The following P4HA3 variants were observed in gnomAD, a reference collection of about 807,000 sequenced individuals.
The protein encoded by P4HA3 is prolyl 4-hydroxylase subunit alpha-3.
A neutral mutation model predicts 66.7 loss-of-function variants in P4HA3; 60 were observed. The observed-to-expected ratio is 0.90, with a 90% confidence interval of 0.73 to 1.12. The LOEUF (loss-of-function observed/expected upper bound fraction) is 1.12, where lower values mean the gene tolerates loss of function less well. P4HA3 is among the 50% of genes most tolerant of loss of function. The pLI, the probability that P4HA3 is intolerant of heterozygous loss-of-function variation, is 0.00. For synonymous variants in P4HA3, 263 were observed against 274.6 expected, an observed-to-expected ratio of 0.96 and a Z score of 0.42; for missense variants, 683 against 685.8, an observed-to-expected ratio of 1.00 and a Z score of 0.05.
At chr11:74,265,755 C>G (rs1011730973), downstream of P4HA3, among the ~76,000 whole-genome samples, 1 of 152,086 alleles carries the variant, frequency 6.6e-6, no homozygotes, top group Non-Finnish European at 1.5e-5. Context: ...TCTGGGGCTA[C>G]CAAGAGGAAT....
At chr11:74,290,607 G>C (rs1860981615) in intron 4 of P4HA3, among the ~76,000 whole-genome samples, 2 of 151,764 alleles carry the variant, frequency 1.3e-5, no homozygotes, top group Admixed American at 1.3e-4. Context: ...AATCCATCTT[G>C]AATTAATTTT....
intron 8 of P4HA3, 92 bp from the exon 9 acceptor site, chr11:74,277,236 G>C: frequency 6.9e-7 from 1 of 1,441,398 alleles, no homozygotes. Context: ...AATGAATTAT[G>C]TTAATTGCCA....
rs1565422067 is a variant in P4HA3, at chr11:74,302,573, C to G, written c.363G>C (p.Glu121Asp). 1 of 1,614,010 alleles carries G rather than the reference C, an allele frequency of 6.2e-7. No individual in the cohort carries two copies. ...AGGCTGGAAGGTCTTGCTCCACCTT[C>G]TCATAGCCATCCTTCAGAGCTGTAA... ...ENIRALKDGY[E>D]KVEQDLPAFE... Residue 121 changes from glutamate (E) to aspartate (D), a missense_variant, in exon 3 of 13, where the codon GAG (glutamate) becomes GAC (aspartate). Glu to Asp is a conservative substitution (Grantham distance 45, BLOSUM62 2). Transcript: ENST00000331597.
chr11:74,285,109 A>G (rs997482363), intron 7 of P4HA3, among the ~76,000 whole-genome samples: 17 of 152,170 alleles, frequency 1.1e-4, no homozygotes, highest in African/African-American at 4.1e-4. Context: ...TAATAATAAT[A>G]TACTGTAATA....
chr11:74,284,547 G>A (rs1224819312), intron 7 of P4HA3, among the ~76,000 whole-genome samples: 1 of 152,054 alleles, frequency 6.6e-6, no homozygotes, highest in Non-Finnish European at 1.5e-5. Context: ...AATCATGATT[G>A]TAATTTAATT....
At chr11:74,265,700 T>C (rs1178910771), downstream of P4HA3, among the ~76,000 whole-genome samples, 1 of 152,204 alleles carries the variant, frequency 6.6e-6, no homozygotes, top group African/African-American at 2.4e-5. Context: ...AAAGGAAGCC[T>C]TTGCAGAATT....
intron 10 of P4HA3, among the ~76,000 whole-genome samples, chr11:74,271,124 A>G (rs1007093807): frequency 3.3e-5 from 5 of 152,176 alleles, no homozygotes; most frequent in Non-Finnish European, 7.3e-5. Flanking sequence ...TGTGTTACAG[A>G]GCAAGAGGTA....
chr11:74,274,304 G>GTTTTTTTTTTTTTTTTTTTTTT (rs558751754), intron 9 of P4HA3, among the ~76,000 whole-genome samples: 2 of 134,872 alleles, frequency 1.5e-5, no homozygotes, highest in Non-Finnish European at 1.6e-5. Flanking sequence ...TTTTTTTTTT[G>GTTTTTTTTTTTTTTTTTTTTTT]TTTTTTTTTT....
intron 7 of P4HA3, among the ~76,000 whole-genome samples, chr11:74,280,149 AATT>A (rs950243740): frequency 1.5e-4 from 23 of 152,106 alleles, no homozygotes; most frequent in African/African-American, 5.5e-4. Context: ...ATAGCATTTA[AATT>A]ATTATTATTA....
intron 4 of P4HA3, among the ~76,000 whole-genome samples, chr11:74,293,537 A>G (rs1204061272): frequency 2.6e-5 from 4 of 152,196 alleles, no homozygotes; most frequent in Non-Finnish European, 5.9e-5. Flanking sequence ...GTTTCTTCAT[A>G]GCCTCGATGG....
At chr11:74,293,692 T>A (rs1861114277) in intron 4 of P4HA3, among the ~76,000 whole-genome samples, 1 of 152,340 alleles carries the variant, frequency 6.6e-6, no homozygotes, top group South Asian at 2.1e-4. Context: ...ATTTTATTTC[T>A]CCTTCACTTA....
intron 9 of P4HA3, among the ~76,000 whole-genome samples, chr11:74,275,178 T>G (rs978221742): frequency 2.0e-4 from 31 of 152,228 alleles, no homozygotes; most frequent in Non-Finnish European, 3.7e-4. Context: ...AATTTTAATT[T>G]GATAAGGTCC....
chr11:74,280,969 A>G (rs905037696), intron 7 of P4HA3, among the ~76,000 whole-genome samples: 5 of 152,168 alleles, frequency 3.3e-5, no homozygotes, highest in Admixed American at 6.5e-5. Flanking sequence ...AATTTTTGCA[A>G]CCTACTCATC....
chr11:74,290,988 A>G (rs1412567498), intron 4 of P4HA3, among the ~76,000 whole-genome samples: 5 of 152,216 alleles, frequency 3.3e-5, no homozygotes, highest in Non-Finnish European at 5.9e-5. Flanking sequence ...GAAGAAAGTC[A>G]TTGGTAGCTT....
At chr11:74,293,410 T>C (rs1861103206) in intron 4 of P4HA3, among the ~76,000 whole-genome samples, 1 of 152,240 alleles carries the variant, frequency 6.6e-6, no homozygotes, top group African/African-American at 2.4e-5. Flanking sequence ...AATTTGCCAG[T>C]CTGTGTCTTT....
chr11:74,252,296 C>T, intron 15 of P4HA3: 1 of 301,410 alleles, frequency 3.3e-6, no homozygotes, highest in South Asian at 3.0e-5. Context: ...CCATGTTGGC[C>T]AGGCTGGTCT....
chr11:74,264,186 G>A (rs1859953924), downstream of P4HA3, among the ~76,000 whole-genome samples: 1 of 151,854 alleles, frequency 6.6e-6, no homozygotes, highest in Non-Finnish European at 1.5e-5. Flanking sequence ...ACTGGTAAGG[G>A]AGACAGACCA....
intron 4 of P4HA3, among the ~76,000 whole-genome samples, chr11:74,294,958 A>G (rs957255046): frequency 1.3e-5 from 2 of 150,898 alleles, no homozygotes; most frequent in African/African-American, 4.9e-5. Flanking sequence ...AAGAACCACT[A>G]CTCTCTTCAA....
intron 8 of P4HA3, among the ~76,000 whole-genome samples, chr11:74,278,558 T>G (rs559166987): frequency 6.6e-6 from 1 of 152,104 alleles, no homozygotes; most frequent in Non-Finnish European, 1.5e-5. Flanking sequence ...TAGTTTCTTG[T>G]TCGGAAAAGG....
Sources: gnomAD v4.1 joint callset for allele counts (sites outside exome capture counted in the v4.1 genomes callset) on GRCh38, gnomAD v4.1.1 for gene constraint, MANE v1.5 for transcripts, NCBI Gene and HGNC (gene_info 2026-07-23, HGNC 2026-07-21) for gene names.